Variants in LRRCC1 observed in about 807,000 individuals in gnomAD.
The protein encoded by LRRCC1 is leucine-rich repeat and coiled-coil domain-containing protein 1.
LRRCC1 carries 115 observed loss-of-function variants against 126.0 expected under a neutral mutation model. The ratio of observed to expected loss-of-function variants is 0.91; its 90% CI spans 0.78 to 1.07. LRRCC1 has a LOEUF of 1.07. LRRCC1 is among the 50% of genes least tolerant of loss of function. The pLI, the probability that LRRCC1 is intolerant of heterozygous loss-of-function variation, is 0.00. For missense variants in LRRCC1, 1,172 were observed against 1,175.7 expected (o/e 1.00, Z 0.05); for synonymous variants, 400 against 393.4 (o/e 1.02, Z -0.20).
chr8:85,125,670 C>CAAA (rs71273921), intron 8 of LRRCC1, among the ~76,000 whole-genome samples: 1 of 51,962 alleles, frequency 1.9e-5, no homozygotes, highest in African/African-American at 9.3e-5. Context: ...GAGACTCCGT[C>CAAA]AAAAAAAAAA....
At chr8:85,122,749 T>A (rs1809661717) in intron 6 of LRRCC1, among the ~76,000 whole-genome samples, 1 of 152,264 alleles carries the variant, frequency 6.6e-6, no homozygotes, top group Non-Finnish European at 1.5e-5. Context: ...GTCATTTTCC[T>A]TGTTCTTCCT....
intron 7 of LRRCC1, 34 bp downstream of exon 7, chr8:85,123,640 C>A: frequency 6.9e-7 from 1 of 1,452,408 alleles, no homozygotes; most frequent in Non-Finnish European, 9.4e-7. Flanking sequence ...TTAAGGCACA[C>A]AGAAGTTAAT....
chr8:85,142,366 T>A (rs1263199696), intron 18 of LRRCC1, among the ~76,000 whole-genome samples: 1 of 152,170 alleles, frequency 6.6e-6, no homozygotes, highest in Non-Finnish European at 1.5e-5. Context: ...GACTCAGGTA[T>A]TTTTTTAATT....
chr8:85,138,591 A>C (rs556043088), intron 17 of LRRCC1, 116 bp downstream of exon 17: 1 of 1,087,314 alleles, frequency 9.2e-7, no homozygotes, highest in South Asian at 1.7e-5. Flanking sequence ...GTTATTTGCC[A>C]AGAAGTTTAT....
At position 85,141,519 on chromosome 8, in the gene LRRCC1, T is replaced by TCCATCAA; in HGVS notation, c.2976+2_2976+3insCCATCAA. The TCCATCAA allele has an allele frequency of 6.3e-7, 1 of 1,596,564 alleles. No individual in the cohort carries two copies. The highest frequency in any genetic ancestry group is 8.6e-7 in the Non-Finnish European group (1 of 1,169,134). ...TGTATTGATTCTGCAAATTTAAAGG[T>TCCATCAA]ATTGTAAGTAAAATTCACTTCAATA... On this transcript the variant is annotated splice_region_variant and intron_variant, in intron 18 of 18. Transcript: ENST00000360375.
intron 7 of LRRCC1, 104 bp downstream of exon 7, chr8:85,123,710 A>C: frequency 9.3e-6 from 8 of 859,060 alleles, no homozygotes; most frequent in Non-Finnish European, 1.4e-5. Context: ...ACTAATGTTG[A>C]AGATTTGATT....
intron 9 of LRRCC1, among the ~76,000 whole-genome samples, chr8:85,128,017 G>C (rs1018861551): frequency 6.6e-6 from 1 of 152,186 alleles, no homozygotes; most frequent in Non-Finnish European, 1.5e-5. Context: ...TTGTGACTGA[G>C]TCATGGACAG....
chr8:85,121,113 T>C (rs915759049), intron 6 of LRRCC1, among the ~76,000 whole-genome samples: 23 of 152,340 alleles, frequency 1.5e-4, no homozygotes, highest in African/African-American at 5.3e-4. Flanking sequence ...TATGTCATTT[T>C]CATTGTAGCC....
At chr8:85,121,749 T>G (rs149463619) in intron 6 of LRRCC1, among the ~76,000 whole-genome samples, 1 of 152,332 alleles carries the variant, frequency 6.6e-6, no homozygotes, top group African/African-American at 2.4e-5. Context: ...GGTTTTTTAG[T>G]CACAATTCTC....
intron 6 of LRRCC1, among the ~76,000 whole-genome samples, chr8:85,119,273 G>T (rs1292976712): frequency 6.6e-6 from 1 of 151,808 alleles, no homozygotes; most frequent in Non-Finnish European, 1.5e-5. Context: ...ATTTCTATAG[G>T]ATCTATAATG....
At chr8:85,132,110 CAAAT>C in intron 12 of LRRCC1, 149 bp downstream of exon 12, 1 of 636,064 alleles carries the variant, frequency 1.6e-6, no homozygotes, top group South Asian at 2.4e-5. Flanking sequence ...TTAGTTTCCT[CAAAT>C]AAATAATAGC....
At chr8:85,145,031 G>A (rs1375901610) in intron 18 of LRRCC1, among the ~76,000 whole-genome samples, 1 of 150,342 alleles carries the variant, frequency 6.7e-6, no homozygotes, top group East Asian at 2.0e-4. Context: ...AGTGAGCTGA[G>A]ATCGCACCAC....
Position 85,141,431 on chromosome 8 carries a change from G to A in LRRCC1, c.2890G>A (p.Val964Ile). The change falls in exon 18 of 19, where the codon GTT becomes ATT. Residue 964 changes from valine (V) to isoleucine (I), a missense_variant. Val to Ile is a conservative substitution (Grantham distance 29). Transcript: ENST00000360375. The part of the protein sequence containing the change: ...HSMDDAFKRQ[V>I]DAIVEAHQAE... ...TATGGATGATGCCTTTAAAAGACAA[G>A]TTGATGCAATTGTTGAAGCTCATCA... 2 of 1,613,168 alleles carry A rather than the reference G, an allele frequency of 1.2e-6. No individual in the cohort carries two copies. Among genetic ancestry groups the A allele is most frequent in the Non-Finnish European group, 1.7e-6 (2 of 1,179,368 alleles).
intron 6 of LRRCC1, among the ~76,000 whole-genome samples, chr8:85,118,909 T>C (rs921904150): frequency 3.3e-5 from 5 of 152,152 alleles, no homozygotes; most frequent in Admixed American, 6.5e-5. Context: ...GGTCATTGTT[T>C]TCTGCAACTT....
At chr8:85,126,147 C>G (rs1379562992) in intron 8 of LRRCC1, among the ~76,000 whole-genome samples, 1 of 152,026 alleles carries the variant, frequency 6.6e-6, no homozygotes, top group Admixed American at 6.6e-5. Flanking sequence ...TGAGTATATA[C>G]TATTTCAAAA....
intron 12 of LRRCC1, among the ~76,000 whole-genome samples, chr8:85,132,551 C>T (rs2135979900): frequency 6.6e-6 from 1 of 152,174 alleles, no homozygotes; most frequent in African/African-American, 2.4e-5. Context: ...GGCCACCACG[C>T]CCGCCTAATT....
At chr8:85,132,579 G>A (rs1810564312) in intron 12 of LRRCC1, among the ~76,000 whole-genome samples, 1 of 151,910 alleles carries the variant, frequency 6.6e-6, no homozygotes, top group Non-Finnish European at 1.5e-5. Context: ...TTTTAGTAGA[G>A]ACAGGATTTC....
intron 4 of LRRCC1, among the ~76,000 whole-genome samples, chr8:85,113,853 A>T (rs544278346): frequency 5.6e-4 from 86 of 152,276 alleles, no homozygotes; most frequent in Non-Finnish European, 1.1e-3. Context: ...AGCAGACCAG[A>T]CTACCATTTC....
Position 85,135,773 on chromosome 8 carries a change from T to C in LRRCC1, c.2155-16T>C. The C allele has an allele frequency of 7.3e-7, 1 of 1,364,334 alleles. No homozygotes were observed. Among genetic ancestry groups the C allele is most frequent in the African/African-American group, 1.5e-5 (1 of 66,658 alleles). The allele number at this position is 1,364,334 out of a possible 1,614,324, so 84.5% of individuals were successfully genotyped here. A position where few individuals can be genotyped will look rare whatever the true frequency, so the allele number is the denominator to read the frequency against. On this transcript the variant is annotated splice_polypyrimidine_tract_variant and intron_variant, in intron 13 of 18. Transcript: ENST00000360375. ...TTAATATAATAATTCTTATTTTTTT[T>C]TTTGGGAATATACAGAATCAAATCA...
Sources: gnomAD v4.1 joint callset for allele counts (sites outside exome capture counted in the v4.1 genomes callset) on GRCh38, gnomAD v4.1.1 for gene constraint, MANE v1.5 for transcripts, NCBI Gene and HGNC (gene_info 2026-07-23, HGNC 2026-07-21) for gene names.